Variants in PDZRN3 observed in about 807,000 individuals in gnomAD.
PDZRN3 encodes the protein PDZ domain containing ring finger 3.
In PDZRN3, 38 loss-of-function variants were observed where a neutral mutation model predicts 85.7. That is an observed-to-expected ratio of 0.44 (90% CI 0.34 to 0.58). The LOEUF (loss-of-function observed/expected upper bound fraction) is 0.58. Ranked by LOEUF, PDZRN3 falls within the 20% of genes least tolerant of loss-of-function variation. The pLI is 0.01. For missense variants in PDZRN3, 1,629 were observed against 1,506.4 expected (o/e 1.08, Z -1.35); for synonymous variants, 759 against 638.0 (o/e 1.19, Z -2.86).
chr3:73,622,033 G>C (rs368012233), intron 1 of PDZRN3, among the ~76,000 whole-genome samples: 1 of 152,280 alleles, frequency 6.6e-6, no homozygotes, highest in Non-Finnish European at 1.5e-5. Flanking sequence ...ATAAATAAGC[G>C]TCACTTAAAA....
chr3:73,574,146 G>A (rs550869989), intron 3 of PDZRN3, among the ~76,000 whole-genome samples: 2 of 152,268 alleles, frequency 1.3e-5, no homozygotes, highest in South Asian at 2.1e-4. Context: ...GGGGGCTCTC[G>A]CCCTGTCCGA....
At chr3:73,472,197 T>C (rs1247146935) in intron 3 of PDZRN3, among the ~76,000 whole-genome samples, 1 of 152,222 alleles carries the variant, frequency 6.6e-6, no homozygotes, top group African/African-American at 2.4e-5. Flanking sequence ...CTGGCTTTGT[T>C]AGAGCTGCCA....
intron 3 of PDZRN3, among the ~76,000 whole-genome samples, chr3:73,573,832 T>G (rs560185721): frequency 6.7e-6 from 1 of 149,100 alleles, no homozygotes; most frequent in African/African-American, 2.6e-5. Flanking sequence ...CATATACATA[T>G]ACATATACAT....
At chr3:73,419,615 G>A (rs981279262) in intron 3 of PDZRN3, among the ~76,000 whole-genome samples, 1 of 152,128 alleles carries the variant, frequency 6.6e-6, no homozygotes, top group African/African-American at 2.4e-5. Flanking sequence ...TCTTTTCTCA[G>A]TTGAGTTTAA....
At chr3:73,560,215 T>TTA (rs1468058026) in intron 3 of PDZRN3, among the ~76,000 whole-genome samples, 1 of 152,232 alleles carries the variant, frequency 6.6e-6, no homozygotes, top group African/African-American at 2.4e-5. Context: ...AGAGCTCCTT[T>TTA]TATGTGCCAA....
At chr3:73,587,453 G>A (rs955154534) in intron 3 of PDZRN3, among the ~76,000 whole-genome samples, 1 of 152,126 alleles carries the variant, frequency 6.6e-6, no homozygotes, top group Non-Finnish European at 1.5e-5. Flanking sequence ...TGCTTAGGCC[G>A]CACGACGGAC....
intron 3 of PDZRN3, among the ~76,000 whole-genome samples, chr3:73,476,572 AC>A (rs1703453719): frequency 6.6e-6 from 1 of 152,180 alleles, no homozygotes; most frequent in Non-Finnish European, 1.5e-5. Flanking sequence ...GTTGTGTGTG[AC>A]CAACAGAAGA....
intron 3 of PDZRN3, among the ~76,000 whole-genome samples, chr3:73,588,549 C>T (rs954157455): frequency 6.6e-6 from 1 of 152,170 alleles, no homozygotes; most frequent in Non-Finnish European, 1.5e-5. Context: ...AGTCCTGTTT[C>T]CCACCACTGT....
intron 3 of PDZRN3, among the ~76,000 whole-genome samples, chr3:73,477,127 T>C (rs1356280269): frequency 6.6e-6 from 1 of 152,214 alleles, no homozygotes; most frequent in Non-Finnish European, 1.5e-5. Context: ...GCAGGCACCA[T>C]CATTATTATA....
At chr3:73,431,778 A>T (rs1015875598) in intron 3 of PDZRN3, among the ~76,000 whole-genome samples, 1 of 152,210 alleles carries the variant, frequency 6.6e-6, no homozygotes, top group Non-Finnish European at 1.5e-5. Context: ...CTTCAGCCAG[A>T]AGTATTTCCA....
intron 3 of PDZRN3, among the ~76,000 whole-genome samples, chr3:73,468,208 T>C (rs1703260960): frequency 6.6e-6 from 1 of 152,054 alleles, no homozygotes; most frequent in Admixed American, 6.6e-5. Flanking sequence ...GATGGCACAC[T>C]GTTGGCTTTG....
intron 2 of PDZRN3, 136 bp from the exon 3 acceptor site, chr3:73,602,597 C>T: frequency 1.7e-6 from 1 of 587,718 alleles, no homozygotes; most frequent in Non-Finnish European, 3.0e-6. Flanking sequence ...TTTGTTTCTC[C>T]TAATTTCTGT....
chr3:73,575,430 G>A (rs552768512), intron 3 of PDZRN3, among the ~76,000 whole-genome samples: 1 of 152,272 alleles, frequency 6.6e-6, no homozygotes, highest in East Asian at 1.9e-4. Context: ...GTTGCTCCAA[G>A]AAGCCTCATC....
At chr3:73,473,043 A>G (rs1703376976) in intron 3 of PDZRN3, among the ~76,000 whole-genome samples, 1 of 152,188 alleles carries the variant, frequency 6.6e-6, no homozygotes, top group South Asian at 2.1e-4. Context: ...GGATGTGTAC[A>G]CCTGAGCCTT....
At chr3:73,513,606 G>GT (rs1380865619) in intron 3 of PDZRN3, among the ~76,000 whole-genome samples, 1 of 152,174 alleles carries the variant, frequency 6.6e-6, no homozygotes, top group African/African-American at 2.4e-5. Context: ...TACACTGCAA[G>GT]TAAGTTTTCA....
At chr3:73,482,986 C>T (rs1301776466) in intron 3 of PDZRN3, among the ~76,000 whole-genome samples, 3 of 152,112 alleles carry the variant, frequency 2.0e-5, no homozygotes, top group African/African-American at 7.2e-5. Flanking sequence ...CTTATTTTAC[C>T]GTAAATTAAA....
At chr3:73,400,397 C>A (rs1284898272) in intron 5 of PDZRN3, among the ~76,000 whole-genome samples, 1 of 152,170 alleles carries the variant, frequency 6.6e-6, no homozygotes, top group South Asian at 2.1e-4. Context: ...ATCTTTATTC[C>A]TGTGTGGCCT....
chr3:73,416,896 T>G (rs1204292618), intron 3 of PDZRN3, among the ~76,000 whole-genome samples: 4 of 145,106 alleles, frequency 2.8e-5, no homozygotes, highest in East Asian at 2.0e-4. Flanking sequence ...TTTTTTTTTT[T>G]TTTTTTTTTT....
chr3:73,479,701 A>C (rs1333232049), intron 3 of PDZRN3, among the ~76,000 whole-genome samples: 1 of 152,242 alleles, frequency 6.6e-6, no homozygotes, highest in Non-Finnish European at 1.5e-5. Context: ...AGCAACCCCC[A>C]AAAATCCCAT....
Sources: allele counts gnomAD v4.1 joint callset (sites outside exome capture counted in the v4.1 genomes callset), GRCh38; gene constraint gnomAD v4.1.1; transcripts MANE v1.5; gene names NCBI Gene and HGNC (gene_info 2026-07-23, HGNC 2026-07-21).